The following DNAJC13 variants were observed in gnomAD, a reference collection of about 807,000 sequenced individuals.
DNAJC13 encodes the protein DnaJ heat shock protein family (Hsp40) member C13, also known as dnaJ homolog subfamily C member 13.
Under a neutral mutation model 290.5 loss-of-function variants are expected in DNAJC13, and 75 were observed. That is an observed-to-expected ratio of 0.26 (90% CI 0.21 to 0.31). DNAJC13 has a LOEUF of 0.31. Ranked by LOEUF, DNAJC13 falls within the 10% of genes least tolerant of loss-of-function variation. DNAJC13 has a pLI of 1.00. For missense variants in DNAJC13, 2,260 were observed against 2,674.5 expected, an observed-to-expected ratio of 0.85 and a Z score of 3.42; for synonymous variants, 862 against 892.0, an observed-to-expected ratio of 0.97 and a Z score of 0.60.
chr3:132,472,661 A>C (rs1398483416), intron 20 of DNAJC13: 1 of 895,166 alleles, frequency 1.1e-6, no homozygotes. Flanking sequence ...AATAAATTCA[A>C]GTCTTAACTT....
chr3:132,482,185 T>C, intron 26 of DNAJC13, 41 bp from the exon 27 acceptor site: 1 of 1,558,322 alleles, frequency 6.4e-7, no homozygotes, highest in Non-Finnish European at 8.8e-7. Flanking sequence ...GTCTTTTAGA[T>C]TTCTGCCTTG....
At chr3:132,471,326 C>T (rs1019595861) in intron 20 of DNAJC13, among the ~76,000 whole-genome samples, 4 of 144,176 alleles carry the variant, frequency 2.8e-5, no homozygotes, top group African/African-American at 7.7e-5. Context: ...GACGGGGCGG[C>T]TGGCCGGGCG....
intron 51 of DNAJC13, 75 bp from the exon 52 acceptor site, chr3:132,525,535 C>G (rs1426752753): frequency 6.8e-7 from 1 of 1,477,862 alleles, no homozygotes; most frequent in Admixed American, 2.0e-5. Flanking sequence ...GTTTTGAACA[C>G]CAAATACATT....
intron 19 of DNAJC13, among the ~76,000 whole-genome samples, 160 bp from the exon 20 acceptor site, chr3:132,467,009 TG>T (rs1377322109): frequency 2.0e-5 from 3 of 152,224 alleles, no homozygotes; most frequent in Admixed American, 6.5e-5. Context: ...GTTAGTTTCT[TG>T]GATAAAAAGT....
In DNAJC13 at chr3:132,503,293, C is replaced by T. The variant is rs1237038887; in HGVS notation, c.4796C>T (p.Thr1599Ile). ...GGGTATTTGGCTGAAGAACAAGCAA[C>T]TCCAGAAAATCCAACCATAAGGAAA... ...LGGYLAEEQATPENPTIRKSL... is the reference protein window; with the variant it reads ...LGGYLAEEQAIPENPTIRKSL... Residue 1599 changes from threonine to isoleucine, a missense_variant, in exon 41 of 56, where the codon ACT becomes ATT. Physicochemically the swap from Thr to Ile is moderately conservative, Grantham distance 89. Coordinates refer to ENST00000260818, the MANE Select transcript of DNAJC13 (RefSeq NM_015268.4). 1 of 1,614,004 alleles carries T rather than the reference C, an allele frequency of 6.2e-7. No individual in the cohort carries two copies. The highest frequency in any genetic ancestry group is 8.5e-7 in the Non-Finnish European group (1 of 1,180,010).
chr3:132,519,068 T>C (rs1254282401), intron 48 of DNAJC13, among the ~76,000 whole-genome samples: 1 of 152,224 alleles, frequency 6.6e-6, no homozygotes, highest in African/African-American at 2.4e-5. Flanking sequence ...AATGGACACA[T>C]GGATTGTTTC....
chr3:132,505,725 G>C (rs1935562650), intron 42 of DNAJC13, among the ~76,000 whole-genome samples: 1 of 152,030 alleles, frequency 6.6e-6, no homozygotes, highest in Admixed American at 6.6e-5. Flanking sequence ...GTGCTTTCCA[G>C]TATCAAGACT....
At chr3:132,434,479 C>T in intron 1 of DNAJC13, 59 bp from the exon 2 acceptor site, 1 of 1,242,620 alleles carries the variant, frequency 8.0e-7, no homozygotes, top group South Asian at 1.3e-5. Context: ...TTAGGGGAAT[C>T]TTGGAAAGAT....
chr3:132,439,766 A>G lies in DNAJC13; in HGVS notation c.68+5148A>G, dbSNP rs144252798. On this transcript the variant is annotated intron_variant, in intron 2 of 55. Transcript: ENST00000260818. ...CTAAAGCTCTTACTGAGCTTTTAGG[A>G]CAGATATTTGCAGAGTATGTCCTAT... 1.5e-3 allele frequency among the ~76,000 whole-genome samples: 230 copies of G among 152,294 alleles called. 2 individuals are homozygous for G. Among genetic ancestry groups the G allele is most frequent in the Middle Eastern group, 3.4e-3 (1 of 292 alleles).
At chr3:132,505,084 G>T (rs1437788241) in intron 41 of DNAJC13, among the ~76,000 whole-genome samples, 1 of 152,088 alleles carries the variant, frequency 6.6e-6, no homozygotes, top group Non-Finnish European at 1.5e-5. Flanking sequence ...TGTAAGATCT[G>T]GGACAAATAA....
chr3:132,468,502 A>G (rs961489924), intron 20 of DNAJC13, among the ~76,000 whole-genome samples: 1 of 152,244 alleles, frequency 6.6e-6, no homozygotes, highest in African/African-American at 2.4e-5. Context: ...TATATTCAAT[A>G]TAAAGAATCA....
At chr3:132,484,255 G>GT (rs1188637742) in intron 28 of DNAJC13, 1 of 346,710 alleles carries the variant, frequency 2.9e-6, no homozygotes, top group Non-Finnish European at 5.5e-6. Flanking sequence ...TTAAATTTAT[G>GT]TAACAAAGTT....
intron 51 of DNAJC13, among the ~76,000 whole-genome samples, chr3:132,524,926 A>T (rs1356832689): frequency 2.6e-5 from 4 of 152,232 alleles, no homozygotes; most frequent in African/African-American, 9.6e-5. Context: ...AGGATTTTTA[A>T]TGAAACTGGG....
rs1225356127 is a variant in DNAJC13 at position 132,467,368 on chromosome 3, T to G, written c.2208+55T>G. 3.8e-6 allele frequency: 6 copies of G among 1,581,710 alleles called. No homozygotes were observed. The East Asian group carries it at 1.4e-4, about 36-fold the overall frequency. On this transcript the variant is annotated intron_variant, in intron 20 of 55. Coordinates refer to ENST00000260818, the MANE Select transcript of DNAJC13 (RefSeq NM_015268.4). ...GGCACTTCTGTGTGTCCTAGTCTAC[T>G]TTAGTTCCTGCTGTTCACAGAGATG...
chr3:132,490,417 TTAAG>T (rs1413127062), intron 31 of DNAJC13, among the ~76,000 whole-genome samples: 1 of 152,184 alleles, frequency 6.6e-6, no homozygotes, highest in Non-Finnish European at 1.5e-5. Context: ...TATAATTACT[TTAAG>T]TAGAAATTCT....
At chr3:132,427,104 CACGTGTGTGTGT>C (rs1939113192) in intron 1 of DNAJC13, among the ~76,000 whole-genome samples, 1 of 123,978 alleles carries the variant, frequency 8.1e-6, no homozygotes, top group African/African-American at 3.3e-5. Context: ...TGTGTGTGTG[CACGTGTGTGTGT>C]GTGTATATAT....
chr3:132,419,970 C>T (rs1472936122), intron 1 of DNAJC13, among the ~76,000 whole-genome samples: 1 of 151,306 alleles, frequency 6.6e-6, no homozygotes, highest in Non-Finnish European at 1.5e-5. Context: ...AAGCTTTGCT[C>T]TCACTTCTGC....
intron 25 of DNAJC13, among the ~76,000 whole-genome samples, chr3:132,479,673 A>G (rs1046811417): frequency 6.6e-6 from 1 of 152,164 alleles, no homozygotes; most frequent in Non-Finnish European, 1.5e-5. Context: ...CATTTTGTTG[A>G]TAAAAAGTAA....
At chr3:132,478,858 T>C (rs899862081) in intron 24 of DNAJC13, among the ~76,000 whole-genome samples, 2 of 152,238 alleles carry the variant, frequency 1.3e-5, no homozygotes, top group African/African-American at 4.8e-5. Flanking sequence ...GCCTGTTTGT[T>C]GCAGTGTATA....
Sources: allele counts gnomAD v4.1 joint callset (sites outside exome capture counted in the v4.1 genomes callset), GRCh38; gene constraint gnomAD v4.1.1; transcripts MANE v1.5; gene names NCBI Gene and HGNC (gene_info 2026-07-23, HGNC 2026-07-21).